The following RPL22L1 variants were observed in gnomAD, a reference collection of about 807,000 sequenced individuals.
The protein encoded by RPL22L1 is ribosomal protein L22 like 1.
RPL22L1 carries 19 observed loss-of-function variants against 17.3 expected under a neutral mutation model. That is an observed-to-expected ratio of 1.10 (90% CI 0.77 to 1.61). The LOEUF (loss-of-function observed/expected upper bound fraction) is 1.61. Among genes scored for constraint, RPL22L1 ranks in the 40% most tolerant of loss-of-function variants. RPL22L1 has a pLI of 0.00. For missense variants in RPL22L1, 139 were observed against 144.4 expected (o/e 0.96, Z 0.19); for synonymous variants, 48 against 48.5 (o/e 0.99, Z 0.05).
intron 3 of RPL22L1, 143 bp from the exon 4 acceptor site, chr3:170,866,667 T>C (rs143718770): frequency 4.9e-6 from 3 of 614,504 alleles, no homozygotes; most frequent in Non-Finnish European, 8.4e-6. Context: ...ATTCACAGGA[T>C]GTATTGTGTA....
rs752308796 is a variant in RPL22L1, at chr3:170,866,351, A to T, written c.*29T>A. ...TGTATACTTCATTTATTTTATTAAT[A>T]AGCAAAGCCCTGTAAGGGGAGCCTT... On this transcript the variant is annotated 3_prime_UTR_variant, in exon 4 of 4. Transcript: ENST00000295830. 3 of 1,538,450 alleles carry T rather than the reference A, an allele frequency of 2.0e-6. No individual in the cohort carries two copies. In the Admixed American group the frequency reaches 6.2e-5, roughly 32 times the overall value.
In RPL22L1 at chr3:170,866,407, A is replaced by G; in HGVS notation, c.342T>C (p.Asp114=). 6.2e-7 allele frequency: 1 copy of G among 1,606,832 alleles called. No homozygotes were observed. Among genetic ancestry groups the G allele is most frequent in the Admixed American group, 1.7e-5 (1 of 59,238 alleles). ...AGTCCTCCGACTCTGATTCATCTTC[A>G]TCTTGACTAATCTGGAAGTAACGAA... ...YELRYFQISQ[D]EDESESED The change falls in exon 4 of 4, where the codon GAT becomes GAC. Residue 114 remains aspartate (D), a synonymous_variant. Transcript: ENST00000295830.
chr3:170,867,557 A>G (rs1711816872), intron 3 of RPL22L1, among the ~76,000 whole-genome samples: 1 of 152,192 alleles, frequency 6.6e-6, no homozygotes, highest in African/African-American at 2.4e-5. Flanking sequence ...TGGGTTACCC[A>G]GTCCTGTGCT....
intron 3 of RPL22L1, 94 bp downstream of exon 3, chr3:170,867,919 T>A (rs1711830853): frequency 1.9e-6 from 2 of 1,034,854 alleles, no homozygotes; most frequent in Non-Finnish European, 2.8e-6. Flanking sequence ...TCATATTTAT[T>A]CTTGCATATA....
At chr3:170,867,551 T>A (rs1387284801) in intron 3 of RPL22L1, among the ~76,000 whole-genome samples, 1 of 152,190 alleles carries the variant, frequency 6.6e-6, no homozygotes, top group Non-Finnish European at 1.5e-5. Flanking sequence ...CACTGTTGGG[T>A]TACCCAGTCC....
intron 1 of RPL22L1, among the ~76,000 whole-genome samples, chr3:170,869,780 C>T (rs1005377995): frequency 6.6e-6 from 1 of 152,106 alleles, no homozygotes; most frequent in Non-Finnish European, 1.5e-5. Flanking sequence ...GTCAGACCGG[C>T]CCGATTACCC....
At chr3:170,869,258 A>C (rs1210637084) in intron 1 of RPL22L1, among the ~76,000 whole-genome samples, 3 of 152,226 alleles carry the variant, frequency 2.0e-5, no homozygotes, top group Non-Finnish European at 4.4e-5. Context: ...CAATATGAAC[A>C]AACAAATCTG....
At chr3:170,868,619 GT>G (rs1711861925) in intron 1 of RPL22L1, among the ~76,000 whole-genome samples, 1 of 151,888 alleles carries the variant, frequency 6.6e-6, no homozygotes, top group Non-Finnish European at 1.5e-5. Context: ...GACTTTCATT[GT>G]TTTCTATACT....
Sources: allele counts gnomAD v4.1 joint callset (sites outside exome capture counted in the v4.1 genomes callset), GRCh38; gene constraint gnomAD v4.1.1; transcripts MANE v1.5; gene names NCBI Gene and HGNC (gene_info 2026-07-23, HGNC 2026-07-21).